The following SMTNL1 variants were observed in gnomAD, a reference collection of about 807,000 sequenced individuals.
SMTNL1 encodes the protein smoothelin-like protein 1.
A neutral mutation model predicts 46.6 loss-of-function variants in SMTNL1; 41 were observed. The ratio of observed to expected loss-of-function variants is 0.88; its 90% CI spans 0.69 to 1.14. The LOEUF (loss-of-function observed/expected upper bound fraction) is 1.14, where lower values mean the gene tolerates loss of function less well. SMTNL1 is among the 50% of genes most tolerant of loss of function. SMTNL1 has a pLI of 0.00. For synonymous variants in SMTNL1, 234 were observed against 234.2 expected, an observed-to-expected ratio of 1.00 and a Z score of 0.01; for missense variants, 591 against 626.1, an observed-to-expected ratio of 0.94 and a Z score of 0.60.
Position 57,542,517 on chromosome 11 carries a change from T to C in SMTNL1, c.-2-124T>C. 3 of 1,127,832 alleles carry C rather than the reference T, an allele frequency of 2.7e-6. No homozygotes were observed. In the South Asian group the frequency reaches 5.1e-5, roughly 19 times the overall value. 69.9% of individuals were successfully genotyped at this position (1,127,832 alleles called of 1,614,324 possible). On this transcript the variant is annotated intron_variant, in intron 1 of 7. Transcript: ENST00000527972. ...CTCTCCTTCGTGATTGGGCCCCATG[T>C]CCAAGTAGGAGCCAAGACTGAACCA...
chr11:57,548,003 T>G (rs1253880564), intron 7 of SMTNL1, among the ~76,000 whole-genome samples: 1 of 152,174 alleles, frequency 6.6e-6, no homozygotes, highest in African/African-American at 2.4e-5. Flanking sequence ...GGGGTTGTGT[T>G]GCTCACTTTG....
chr11:57,540,501 T>G (rs1944864751), intron 1 of SMTNL1, among the ~76,000 whole-genome samples: 1 of 152,168 alleles, frequency 6.6e-6, no homozygotes, highest in Non-Finnish European at 1.5e-5. Context: ...CCTATCCATG[T>G]CACGGGAGAC....
At chr11:57,540,774 G>A (rs971944587) in intron 1 of SMTNL1, among the ~76,000 whole-genome samples, 5 of 151,270 alleles carry the variant, frequency 3.3e-5, no homozygotes, top group South Asian at 2.1e-4. Context: ...GCAGTGACGC[G>A]ATCTCGGCTC....
intron 2 of SMTNL1, 89 bp from the exon 3 acceptor site, chr11:57,543,535 A>G: frequency 6.5e-7 from 1 of 1,537,332 alleles, no homozygotes. Context: ...CCGTAGTCCC[A>G]GGCTGCCTTT....
At chr11:57,540,739 C>T (rs1344305595) in intron 1 of SMTNL1, among the ~76,000 whole-genome samples, 2 of 150,000 alleles carry the variant, frequency 1.3e-5, no homozygotes, top group Non-Finnish European at 3.0e-5. Context: ...GAGACGGAGT[C>T]TCGCTTTGTT....
chr11:57,546,129 C>A, intron 5 of SMTNL1, 93 bp downstream of exon 5: 1 of 1,515,952 alleles, frequency 6.6e-7, no homozygotes, highest in Non-Finnish European at 8.9e-7. Context: ...ACAGCCCAGG[C>A]CAAGGCAGGA....
Position 57,550,095 on chromosome 11 carries a change from A to G in SMTNL1, c.1468A>G (p.Lys490Glu). Residue 490 changes from lysine to glutamate, a missense_variant, in exon 8 of 8, where the codon AAG (lysine) becomes GAG (glutamate). Coordinates refer to ENST00000527972, the MANE Select transcript of SMTNL1 (RefSeq NM_001105565.3). ...CAGCCTTGTGCAGAAAGGACTGGTG[A>G]AGACCAAGAAGAAGTGAGGAGGTGA... is the stretch of plus-strand genomic sequence containing the variant. ...YRSLVQKGLV[K>E]TKKK The G allele has an allele frequency of 6.2e-7, 1 of 1,613,272 alleles. No individual in the cohort carries two copies. Among genetic ancestry groups the G allele is most frequent in the South Asian group, 1.1e-5 (1 of 90,928 alleles).
intron 1 of SMTNL1, among the ~76,000 whole-genome samples, chr11:57,541,209 TG>T (rs910690493): frequency 4.6e-5 from 7 of 152,202 alleles, no homozygotes; most frequent in Non-Finnish European, 7.3e-5. Context: ...CCTGTCTTCT[TG>T]CCTCCTGTCC....
At chr11:57,545,819 T>C in intron 4 of SMTNL1, 62 bp from the exon 5 acceptor site, 232 of 666,028 alleles carry the variant, frequency 3.5e-4, no homozygotes, top group Admixed American at 9.1e-4. Context: ...CACAGCCCCC[T>C]CCCTGTGTCC....
chr11:57,542,917 C>A lies in SMTNL1; in HGVS notation c.275C>A (p.Ala92Asp). The A allele has an allele frequency of 6.2e-7, 1 of 1,607,044 alleles. No homozygotes were observed. Among genetic ancestry groups the A allele is most frequent in the Non-Finnish European group, 8.5e-7 (1 of 1,176,704 alleles). The change falls in exon 2 of 8, where the codon GCT becomes GAT. Residue 92 changes from alanine (A) to aspartate (D), a missense_variant. Ala to Asp is a moderately radical substitution (Grantham distance 126, BLOSUM62 -2). Transcript: ENST00000527972. ...GCTGGTGGGAAAGAGGATGCTGAGG[C>A]TGAACTTAAAAAGGAGGATGGTGAG... ...REAGGKEDAE[A>D]ELKKEDGEKE...
intron 4 of SMTNL1, among the ~76,000 whole-genome samples, chr11:57,544,169 C>A (rs186042611): frequency 3.9e-5 from 6 of 152,348 alleles, no homozygotes; most frequent in African/African-American, 1.4e-4. Flanking sequence ...TACCTGAGGT[C>A]ATGAGTTCGA....
rs1460874767 is a variant in SMTNL1 at position 57,540,386 on chromosome 11, A to G, written c.-2-2255A>G. 3.3e-5 allele frequency among the ~76,000 whole-genome samples: 5 copies of G among 152,288 alleles called. No individual in the cohort carries two copies. The East Asian group carries it at 9.7e-4, about 29-fold the overall frequency. ...AATGCTAAGATTATAGGCATGAGCC[A>G]CTGCGCCTGGCTGAAACTGTATATC... On this transcript the variant is annotated intron_variant, in intron 1 of 7. Coordinates refer to ENST00000527972, the MANE Select transcript of SMTNL1 (RefSeq NM_001105565.3).
intron 1 of SMTNL1, among the ~76,000 whole-genome samples, chr11:57,542,331 C>T (rs1178876406): frequency 6.6e-6 from 1 of 152,158 alleles, no homozygotes; most frequent in African/African-American, 2.4e-5. Context: ...TTGTGACCAC[C>T]TCAGTGGCTT....
At chr11:57,545,378 G>A (rs1297143291) in intron 4 of SMTNL1, among the ~76,000 whole-genome samples, 1 of 151,722 alleles carries the variant, frequency 6.6e-6, no homozygotes, top group Non-Finnish European at 1.5e-5. Flanking sequence ...GCTGAGGCGG[G>A]TAGATCACTT....
In SMTNL1 at chr11:57,543,111, A is replaced by G; in HGVS notation, c.469A>G (p.Arg157Gly). 6.2e-7 allele frequency: 1 copy of G among 1,612,720 alleles called. No homozygotes were observed. Among genetic ancestry groups the G allele is most frequent in the Non-Finnish European group, 8.5e-7 (1 of 1,179,300 alleles). ...TGGGCAGAAAGCCGATGCCAATGAC[A>G]GAGACAAGCCTGAACCTAAGGCAAC... ...ESGQKADAND[R>G]DKPEPKATVE... The change falls in exon 2 of 8, where the codon AGA becomes GGA. Residue 157 changes from arginine to glycine, a missense_variant. By Grantham distance (125) the Arg-to-Gly change is moderately radical. Coordinates refer to ENST00000527972, the MANE Select transcript of SMTNL1 (RefSeq NM_001105565.3).
chr11:57,539,067 G>A (rs1480546645), intron 1 of SMTNL1, among the ~76,000 whole-genome samples: 5 of 152,018 alleles, frequency 3.3e-5, no homozygotes, highest in African/African-American at 1.2e-4. Flanking sequence ...TGGTTAGAGC[G>A]GCCAGTCTCA....
At chr11:57,541,681 A>C in intron 1 of SMTNL1, 1 of 978,164 alleles carries the variant, frequency 1.0e-6, no homozygotes, top group Non-Finnish European at 1.4e-6. Flanking sequence ...CCCAAATTTC[A>C]GCCATTTTTA....
chr11:57,540,773 C>T (rs898921033), intron 1 of SMTNL1, among the ~76,000 whole-genome samples: 11 of 151,076 alleles, frequency 7.3e-5, no homozygotes, highest in African/African-American at 2.2e-4. Context: ...TGCAGTGACG[C>T]GATCTCGGCT....
At position 57,542,143 on chromosome 11, in the gene SMTNL1, C is replaced by CAA. The variant is rs142355688; in HGVS notation, c.-2-494_-2-493dup. 3.1e-4 allele frequency among the ~76,000 whole-genome samples: 46 copies of CAA among 148,928 alleles called. 1 individual carries two copies. The highest frequency in any genetic ancestry group is 8.0e-4 in the African/African-American group (32 of 40,030). Reference sequence around the variant, plus strand: ...ACACACACACACACACACACACACACAAAAATTAGCCAGGTGTGGTGGTAA... The same window carrying CAA: ...ACACACACACACACACACACACACACAAAAAAATTAGCCAGGTGTGGTGGTAA... On this transcript the variant is annotated intron_variant, in intron 1 of 7. Coordinates refer to ENST00000527972, the MANE Select transcript of SMTNL1 (RefSeq NM_001105565.3).
Sources: allele counts gnomAD v4.1 joint callset (sites outside exome capture counted in the v4.1 genomes callset), GRCh38; gene constraint gnomAD v4.1.1; transcripts MANE v1.5; gene names NCBI Gene and HGNC (gene_info 2026-07-23, HGNC 2026-07-21).